HLCS: variants seen among roughly 807,000 people sequenced by gnomAD.
The protein encoded by HLCS is biotin--protein ligase.
Under a neutral mutation model 75.0 loss-of-function variants are expected in HLCS, and 53 were observed. The observed-to-expected ratio is 0.71, with a 90% CI of 0.57 to 0.89. The LOEUF (loss-of-function observed/expected upper bound fraction) is 0.89, where lower values mean the gene tolerates loss of function less well. Among genes scored for constraint, HLCS ranks in the 40% least tolerant of loss-of-function variants. The probability of loss-of-function intolerance (pLI) is 0.00; values close to 1 mark genes in which losing one functional copy is unlikely to be tolerated. For synonymous variants in HLCS, 431 were observed against 428.6 expected (o/e 1.01, Z -0.07); for missense variants, 966 against 1,074.0 (o/e 0.90, Z 1.41).
At chr21:36,874,190 C>T (rs144765495) in intron 6 of HLCS, among the ~76,000 whole-genome samples, 3 of 152,036 alleles carry the variant, frequency 2.0e-5, no homozygotes, top group Non-Finnish European at 2.9e-5. Flanking sequence ...TGCTTTAACA[C>T]CTGTCTCAAA....
chr21:36,789,709 A>AGT (rs2060800981), intron 6 of HLCS, among the ~76,000 whole-genome samples: 1 of 152,260 alleles, frequency 6.6e-6, no homozygotes, highest in Non-Finnish European at 1.5e-5. Flanking sequence ...TTGCCACCTT[A>AGT]CGCATTTTCT....
intron 1 of HLCS, among the ~76,000 whole-genome samples, chr21:36,963,366 T>A (rs1262077126): frequency 6.6e-6 from 1 of 152,182 alleles, no homozygotes; most frequent in Admixed American, 6.5e-5. Flanking sequence ...TCAGTTCAAA[T>A]CTGCTTGATA....
At chr21:36,850,838 C>CA (rs992139236) in intron 6 of HLCS, among the ~76,000 whole-genome samples, 1 of 152,182 alleles carries the variant, frequency 6.6e-6, no homozygotes, top group Non-Finnish European at 1.5e-5. Flanking sequence ...CCTCAATCTA[C>CA]AGCGAGGAGC....
At chr21:36,838,288 G>A (rs1390108949) in intron 6 of HLCS, among the ~76,000 whole-genome samples, 2 of 144,248 alleles carry the variant, frequency 1.4e-5, no homozygotes, top group Non-Finnish European at 3.0e-5. Flanking sequence ...TTCTGCAGTG[G>A]GGTGAATGAT....
Position 36,889,577 on chromosome 21 carries a change from G to A in HLCS, c.1892+7283C>T, listed in dbSNP as rs114672451. Among the ~76,000 whole-genome samples, 424 of 152,292 alleles carry A rather than the reference G, an allele frequency of 2.8e-3. 2 individuals carry two copies. The highest frequency in any genetic ancestry group is 9.7e-3 in the African/African-American group (404 of 41,548). Reference sequence around the variant, plus strand: ...CAAGGCAGACTGAACTCTGGGAGGGGCTTTTCCTGCAGTGACAATGGATTT... The same window carrying A: ...CAAGGCAGACTGAACTCTGGGAGGGACTTTTCCTGCAGTGACAATGGATTT... On this transcript the variant is annotated intron_variant, in intron 6 of 10. Coordinates refer to ENST00000674895, the MANE Select transcript of HLCS (RefSeq NM_001352514.2).
intron 6 of HLCS, among the ~76,000 whole-genome samples, chr21:36,849,965 G>GTACTTATCTCATGGTTTA (rs1270162030): frequency 1.3e-5 from 2 of 152,142 alleles, no homozygotes; most frequent in Non-Finnish European, 2.9e-5. Context: ...TGGCCTCCTT[G>GTACTTATCTCATGGTTTA]TACTTATCTC....
intron 6 of HLCS, among the ~76,000 whole-genome samples, chr21:36,788,306 A>G (rs1363356669): frequency 5.9e-5 from 9 of 152,218 alleles, no homozygotes; most frequent in Non-Finnish European, 1.2e-4. Flanking sequence ...GGGCCCGCCC[A>G]AGAGTGAGGC....
chr21:36,917,671 T>C (rs570864507), intron 5 of HLCS, among the ~76,000 whole-genome samples: 1 of 152,162 alleles, frequency 6.6e-6, no homozygotes, highest in African/African-American at 2.4e-5. Flanking sequence ...GATTGGTAGC[T>C]TAACAAAATT....
intron 8 of HLCS, among the ~76,000 whole-genome samples, chr21:36,761,603 G>C (rs761571865): frequency 6.6e-6 from 1 of 152,090 alleles, no homozygotes; most frequent in Non-Finnish European, 1.5e-5. Context: ...TGCTACCGGC[G>C]TCTAGAGAGT....
At chr21:36,780,828 G>A (rs1207545466) in intron 6 of HLCS, among the ~76,000 whole-genome samples, 1 of 152,066 alleles carries the variant, frequency 6.6e-6, no homozygotes, top group Non-Finnish European at 1.5e-5. Flanking sequence ...GTGTGTCTGT[G>A]CATGTGCGTG....
intron 6 of HLCS, among the ~76,000 whole-genome samples, chr21:36,845,035 A>G (rs1471055337): frequency 6.6e-6 from 1 of 152,152 alleles, no homozygotes; most frequent in Non-Finnish European, 1.5e-5. Context: ...TCAAGCTTAC[A>G]TGGACTTGAT....
chr21:36,956,723 C>T (rs1169206108), intron 2 of HLCS, among the ~76,000 whole-genome samples: 2 of 151,852 alleles, frequency 1.3e-5, no homozygotes, highest in African/African-American at 4.8e-5. Context: ...GAGCGAGACT[C>T]CGTCTCAAAA....
intron 6 of HLCS, among the ~76,000 whole-genome samples, chr21:36,883,309 C>G (rs1018095105): frequency 1.3e-5 from 2 of 152,100 alleles, no homozygotes; most frequent in Admixed American, 6.5e-5. Flanking sequence ...AAAGCTAAGT[C>G]AGGGGAGAAA....
At chr21:36,934,930 G>A (rs1434532711) in intron 4 of HLCS, among the ~76,000 whole-genome samples, 1 of 152,194 alleles carries the variant, frequency 6.6e-6, no homozygotes, top group Admixed American at 6.5e-5. Context: ...CTCTGAATCT[G>A]ATTTGTGAAG....
intron 6 of HLCS, among the ~76,000 whole-genome samples, chr21:36,814,419 C>A (rs1031269302): frequency 6.6e-6 from 1 of 152,206 alleles, no homozygotes; most frequent in Non-Finnish European, 1.5e-5. Flanking sequence ...CAGATAATTT[C>A]TTAGTATGTC....
chr21:36,891,596 C>T (rs1487211607), intron 6 of HLCS, among the ~76,000 whole-genome samples: 1 of 152,110 alleles, frequency 6.6e-6, no homozygotes, highest in African/African-American at 2.4e-5. Context: ...CGAGTCCTGA[C>T]CTTCTATATG....
At chr21:36,959,329 G>T (rs4816553) in intron 2 of HLCS, among the ~76,000 whole-genome samples, 93,596 of 152,082 alleles carry the variant, frequency 0.62, 29,111 homozygotes, top group East Asian at 0.75. Context: ...CCCCCCTCTA[G>T]ACTTTAGGAG....
At chr21:36,989,757 C>G (rs1369079846) in intron 1 of HLCS, among the ~76,000 whole-genome samples, 1 of 152,180 alleles carries the variant, frequency 6.6e-6, no homozygotes, top group African/African-American at 2.4e-5. Context: ...GCGAGTAGGC[C>G]CTGCGGCTCT....
chr21:36,960,354 T>C (rs2068226591), intron 2 of HLCS, among the ~76,000 whole-genome samples: 1 of 152,114 alleles, frequency 6.6e-6, no homozygotes, highest in African/African-American at 2.4e-5. Flanking sequence ...CCAAGGATCC[T>C]GTGACATTAG....
Sources: allele counts gnomAD v4.1 joint callset (sites outside exome capture counted in the v4.1 genomes callset), GRCh38; gene constraint gnomAD v4.1.1; transcripts MANE v1.5; gene names NCBI Gene and HGNC (gene_info 2026-07-23, HGNC 2026-07-21).